Variants in FER1L6 observed in about 807,000 individuals in gnomAD.
FER1L6 encodes fer-1 like family member 6, also known as fer-1-like protein 6.
In FER1L6, 177 loss-of-function variants were observed where a neutral mutation model predicts 219.2. The observed-to-expected ratio is 0.81, with a 90% CI of 0.71 to 0.91. The LOEUF (loss-of-function observed/expected upper bound fraction) is 0.91. Among genes scored for constraint, FER1L6 ranks in the 40% least tolerant of loss-of-function variants. The pLI is 0.00. For missense variants in FER1L6, 2,153 were observed against 2,259.9 expected (o/e 0.95, Z 0.96); for synonymous variants, 768 against 824.3 (o/e 0.93, Z 1.17).
In FER1L6 at chr8:124,069,328, T is replaced by C. The variant is rs566743728; in HGVS notation, c.3719-32T>C. ...TTGTTCCTTCTCATCTCAACCGCCA[T>C]GAGAAACCTAATTTCTGCTGAATAT... On this transcript the variant is annotated intron_variant, in intron 28 of 40. Coordinates refer to ENST00000522917, the MANE Select transcript of FER1L6 (RefSeq NM_001039112.2). 2.6e-6 allele frequency: 4 copies of C among 1,524,228 alleles called. No individual in the cohort carries two copies. In the East Asian group the frequency reaches 9.0e-5, roughly 34 times the overall value. 94.4% of individuals were successfully genotyped at this position (1,524,228 alleles called of 1,614,324 possible).
At position 124,071,490 on chromosome 8, in the gene FER1L6, C is replaced by T. The variant is rs199897193; in HGVS notation, c.3967-16C>T. ...ATGACCATCTCATTTCAATGGGTTG[C>T]GTTTTGTGGTTCCAGGGCTCCTTCT... is the stretch of plus-strand genomic sequence containing the variant. On this transcript the variant is annotated splice_polypyrimidine_tract_variant and intron_variant, in intron 30 of 40. Coordinates refer to ENST00000522917, the MANE Select transcript of FER1L6 (RefSeq NM_001039112.2). The T allele has an allele frequency of 4.3e-5, 69 of 1,613,604 alleles. No individual in the cohort carries two copies. The East Asian group carries it at 4.7e-4, about 11-fold the overall frequency.
intron 1 of FER1L6, among the ~76,000 whole-genome samples, chr8:123,878,079 G>A (rs1269661151): frequency 6.6e-6 from 1 of 152,154 alleles, no homozygotes; most frequent in Non-Finnish European, 1.5e-5. Context: ...GTCATCGTGT[G>A]TCACTCTCCC....
chr8:124,090,239 G>T (rs1011059493), intron 33 of FER1L6, among the ~76,000 whole-genome samples: 2 of 152,130 alleles, frequency 1.3e-5, no homozygotes, highest in African/African-American at 4.8e-5. Context: ...TCTTCCCTAA[G>T]CCTAGAGAGC....
intron 1 of FER1L6, among the ~76,000 whole-genome samples, chr8:123,931,010 C>T (rs1223025263): frequency 6.6e-6 from 1 of 152,164 alleles, no homozygotes; most frequent in African/African-American, 2.4e-5. Flanking sequence ...ATGGTGTTTA[C>T]AGGATCCATT....
At chr8:123,887,168 T>C (rs1586441108) in intron 1 of FER1L6, among the ~76,000 whole-genome samples, 1 of 152,196 alleles carries the variant, frequency 6.6e-6, no homozygotes, top group East Asian at 1.9e-4. Context: ...CTCCTAATTT[T>C]AGTTGGTTAG....
intron 39 of FER1L6, among the ~76,000 whole-genome samples, chr8:124,108,325 A>T (rs1822861513): frequency 9.2e-6 from 1 of 108,938 alleles, no homozygotes; most frequent in South Asian, 3.4e-4. Flanking sequence ...AGCTGTAAAG[A>T]TTGAGAAAAT....
At chr8:123,993,468 T>C (rs550754434) in intron 12 of FER1L6, among the ~76,000 whole-genome samples, 2 of 146,874 alleles carry the variant, frequency 1.4e-5, no homozygotes, top group East Asian at 2.0e-4. Context: ...AAAGGAAGAA[T>C]GTATATCCAA....
At chr8:123,865,802 G>A (rs28829655) in intron 1 of FER1L6, among the ~76,000 whole-genome samples, 42,211 of 147,948 alleles carry the variant, frequency 0.29, 6,888 homozygotes, top group Middle Eastern at 0.4. Flanking sequence ...GACCACTTGC[G>A]CTTCCCAGGT....
chr8:124,113,316 C>G (rs1347397645), intron 39 of FER1L6, among the ~76,000 whole-genome samples: 1 of 152,010 alleles, frequency 6.6e-6, no homozygotes, highest in Non-Finnish European at 1.5e-5. Flanking sequence ...TGGGTATACT[C>G]CATTGATATA....
At chr8:124,065,027 A>G (rs1424653562) in intron 26 of FER1L6, among the ~76,000 whole-genome samples, 2 of 152,194 alleles carry the variant, frequency 1.3e-5, no homozygotes, top group African/African-American at 4.8e-5. Flanking sequence ...GATATAGTTA[A>G]TCTTTCTAAA....
chr8:123,864,711 C>T (rs1000261007), intron 1 of FER1L6, among the ~76,000 whole-genome samples: 1 of 149,378 alleles, frequency 6.7e-6, no homozygotes, highest in African/African-American at 2.6e-5. Context: ...AACTTCCCTT[C>T]TCGCTTCATT....
chr8:124,043,838 A>G (rs1278601802), intron 20 of FER1L6, among the ~76,000 whole-genome samples: 1 of 152,222 alleles, frequency 6.6e-6, no homozygotes, highest in Non-Finnish European at 1.5e-5. Flanking sequence ...TGAACCTTTT[A>G]GTACCTCCTG....
At chr8:123,917,341 A>G (rs1813218480) in intron 1 of FER1L6, among the ~76,000 whole-genome samples, 1 of 152,250 alleles carries the variant, frequency 6.6e-6, no homozygotes, top group Non-Finnish European at 1.5e-5. Flanking sequence ...TTGAAAGTGC[A>G]GAGGACTTGA....
At chr8:123,916,580 A>G (rs1407955864) in intron 1 of FER1L6, among the ~76,000 whole-genome samples, 1 of 152,230 alleles carries the variant, frequency 6.6e-6, no homozygotes, top group Non-Finnish European at 1.5e-5. Flanking sequence ...GGCATTATAA[A>G]TAGTTCTTGG....
intron 1 of FER1L6, among the ~76,000 whole-genome samples, chr8:123,887,825 C>T (rs1817232169): frequency 6.6e-6 from 1 of 152,104 alleles, no homozygotes; most frequent in Admixed American, 6.6e-5. Context: ...CTGTGTAAGT[C>T]ATATGTATTT....
At chr8:124,021,818 G>T in intron 17 of FER1L6, 149 bp downstream of exon 17, 2 of 838,600 alleles carry the variant, frequency 2.4e-6, no homozygotes, top group Non-Finnish European at 3.6e-6. Context: ...TTAGAGAAGA[G>T]ATTTTTAAAT....
chr8:124,040,171 G>A (rs1209015290), intron 20 of FER1L6, among the ~76,000 whole-genome samples, 165 bp downstream of exon 20: 2 of 152,174 alleles, frequency 1.3e-5, no homozygotes, highest in Non-Finnish European at 2.9e-5. Flanking sequence ...GGACTGGTGT[G>A]GGGAAGGTCT....
intron 10 of FER1L6, among the ~76,000 whole-genome samples, chr8:123,979,930 T>C (rs1165274871): frequency 6.6e-6 from 1 of 152,214 alleles, no homozygotes; most frequent in Non-Finnish European, 1.5e-5. Flanking sequence ...AGTTCATCTC[T>C]AGCTCCAGGC....
At chr8:124,079,068 A>G (rs981708097) in intron 32 of FER1L6, among the ~76,000 whole-genome samples, 1 of 152,042 alleles carries the variant, frequency 6.6e-6, no homozygotes, top group Admixed American at 6.5e-5. Flanking sequence ...CATTGCTACA[A>G]TATCAGCCTT....
Sources: gnomAD v4.1 joint callset for allele counts (sites outside exome capture counted in the v4.1 genomes callset) on GRCh38, gnomAD v4.1.1 for gene constraint, MANE v1.5 for transcripts, NCBI Gene and HGNC (gene_info 2026-07-23, HGNC 2026-07-21) for gene names.